Variants in PLEKHA5 observed in about 807,000 individuals in gnomAD.
PLEKHA5 encodes the protein pleckstrin homology domain containing A5, also known as pleckstrin homology domain-containing family A member 5.
A neutral mutation model predicts 181.9 loss-of-function variants in PLEKHA5; 55 were observed. That is an observed-to-expected ratio of 0.30 (90% confidence interval 0.24 to 0.38). The LOEUF (loss-of-function observed/expected upper bound fraction) is 0.38. Ranked by LOEUF, PLEKHA5 falls within the 10% of genes least tolerant of loss-of-function variation. PLEKHA5 has a pLI of 1.00. For synonymous variants in PLEKHA5, 535 were observed against 529.4 expected, an observed-to-expected ratio of 1.01 and a Z score of -0.15; for missense variants, 1,432 against 1,549.5, an observed-to-expected ratio of 0.92 and a Z score of 1.27.
At chr12:19,346,916 A>G (rs2094360928) in intron 23 of PLEKHA5, 78 bp from the exon 24 acceptor site, 2 of 904,980 alleles carry the variant, frequency 2.2e-6, no homozygotes, top group Admixed American at 3.2e-5. Context: ...ATTTAAGTTA[A>G]TATACCATTG....
At chr12:19,190,193 T>C (rs889084009) in intron 3 of PLEKHA5, among the ~76,000 whole-genome samples, 11 of 152,206 alleles carry the variant, frequency 7.2e-5, no homozygotes, top group South Asian at 2.1e-4. Flanking sequence ...TTAGGAAATA[T>C]TTTGTTATAT....
rs1293842342 is a variant in PLEKHA5 at position 19,173,839 on chromosome 12, A to G, written c.227+41389A>G. Among the ~76,000 whole-genome samples, 4 of 152,224 alleles carry G rather than the reference A, an allele frequency of 2.6e-5. 1 individual carries two copies. The highest frequency in any genetic ancestry group is 5.9e-5 in the Non-Finnish European group (4 of 68,040). On this transcript the variant is annotated intron_variant, in intron 3 of 31. Transcript: ENST00000429027. ...AGTGGTCTAGATAGTTCATGTTAGTAGTGATAAAAAATTAGGAGCCACCAT... is the reference window on the plus strand; with the variant it reads ...AGTGGTCTAGATAGTTCATGTTAGTGGTGATAAAAAATTAGGAGCCACCAT...
At chr12:19,202,047 C>T (rs558776908) in intron 3 of PLEKHA5, 2 of 940,152 alleles carry the variant, frequency 2.1e-6, no homozygotes, top group African/African-American at 3.6e-5. Context: ...TAATTATTCC[C>T]TTCACAGTTA....
chr12:19,167,070 C>A lies in PLEKHA5; in HGVS notation c.227+34620C>A, dbSNP rs564781936. On this transcript the variant is annotated intron_variant, in intron 3 of 31. Transcript: ENST00000429027. ...CTTCACACACCCATGCCCCACCTTC[C>A]CCACCTCATTATTTACCTGTTGTAT... 3.7e-4 allele frequency among the ~76,000 whole-genome samples: 57 copies of A among 152,230 alleles called. 1 individual carries two copies. The highest frequency in any genetic ancestry group is 1.3e-3 in the African/African-American group (56 of 41,524).
chr12:19,198,156 T>C (rs1261405444), intron 3 of PLEKHA5, among the ~76,000 whole-genome samples: 1 of 152,182 alleles, frequency 6.6e-6, no homozygotes, highest in Admixed American at 6.5e-5. Flanking sequence ...TCTTAAAATA[T>C]AAAAATGTAA....
chr12:19,294,693 C>G (rs541113861), intron 15 of PLEKHA5, among the ~76,000 whole-genome samples: 14 of 152,188 alleles, frequency 9.2e-5, no homozygotes, highest in African/African-American at 3.4e-4. Context: ...AACACATAGA[C>G]CCAAAGAGTA....
chr12:19,304,423 A>C (rs2082545418), intron 15 of PLEKHA5, among the ~76,000 whole-genome samples: 1 of 152,216 alleles, frequency 6.6e-6, no homozygotes, highest in Non-Finnish European at 1.5e-5. Context: ...CTTAGACAAC[A>C]AGAAAATATT....
At chr12:19,319,888 T>A (rs2090157925) in intron 16 of PLEKHA5, 133 bp from the exon 17 acceptor site, 1 of 521,730 alleles carries the variant, frequency 1.9e-6, no homozygotes, top group East Asian at 3.9e-5. Flanking sequence ...ATAAATGGAG[T>A]CAACTAACAC....
At chr12:19,294,923 T>A (rs1364279543) in intron 15 of PLEKHA5, among the ~76,000 whole-genome samples, 1 of 152,188 alleles carries the variant, frequency 6.6e-6, no homozygotes, top group Admixed American at 6.5e-5. Context: ...GGTTTAAAAA[T>A]AACAATAGAT....
intron 15 of PLEKHA5, among the ~76,000 whole-genome samples, chr12:19,313,678 A>G (rs2087436937): frequency 6.6e-6 from 1 of 152,102 alleles, no homozygotes; most frequent in Non-Finnish European, 1.5e-5. Context: ...GTCTGAATGA[A>G]ATTTTTAATT....
chr12:19,334,903 C>T (rs1333606396), intron 20 of PLEKHA5, among the ~76,000 whole-genome samples: 3 of 62,202 alleles, frequency 4.8e-5, no homozygotes, highest in Non-Finnish European at 1.0e-4. Flanking sequence ...AAATATTAGC[C>T]GGGCATAGGG....
intron 3 of PLEKHA5, among the ~76,000 whole-genome samples, chr12:19,195,395 G>A (rs1271150121): frequency 8.2e-6 from 1 of 122,296 alleles, no homozygotes; most frequent in Non-Finnish European, 1.8e-5. Context: ...GTACGGGTGA[G>A]TGATAGCTCA....
chr12:19,130,397 A>G lies in PLEKHA5; in HGVS notation c.169+267A>G, dbSNP rs2033229745. On this transcript the variant is annotated intron_variant, in intron 2 of 31. Coordinates refer to ENST00000429027, the MANE Select transcript of PLEKHA5 (RefSeq NM_001256470.2). This position sits in a 1 kb window ranked among gnomAD's most constrained non-coding sequence, Gnocchi z 4.5. ...TTCCTGCGCCTTCTCCCCCCATCCC[A>G]GCCTAGACGACCCTCGCGACCCTAG... 6.7e-6 allele frequency among the ~76,000 whole-genome samples: 1 copy of G among 149,740 alleles called. No homozygotes were observed. The highest frequency in any genetic ancestry group is 6.6e-5 in the Admixed American group (1 of 15,092).
chr12:19,370,325 A>G (rs1397259026), intron 31 of PLEKHA5, among the ~76,000 whole-genome samples: 1 of 152,246 alleles, frequency 6.6e-6, no homozygotes, highest in Non-Finnish European at 1.5e-5. Context: ...CAGGGAGGTA[A>G]TTACTAAAAC....
chr12:19,347,007 T>C lies in PLEKHA5; in HGVS notation c.2723T>C (p.Val908Ala). The C allele has an allele frequency of 6.5e-7, 1 of 1,547,890 alleles. No individual in the cohort carries two copies. The highest frequency in any genetic ancestry group is 8.7e-7 in the Non-Finnish European group (1 of 1,144,666). The part of the protein sequence containing the change: ...VKYKNEEEEV[V>A]PPRPPLPRSY... ...TACAATCTTTAGGAAGAGGAAGTAGTCCCACCTCGTCCTCCACTTCCTCGG... is the reference window on the plus strand; with the variant it reads ...TACAATCTTTAGGAAGAGGAAGTAGCCCCACCTCGTCCTCCACTTCCTCGG... Residue 908 changes from valine (V) to alanine (A), a missense_variant, in exon 24 of 32, where the codon GTC becomes GCC. Val to Ala is a moderately conservative substitution (Grantham distance 64). Coordinates refer to ENST00000429027, the MANE Select transcript of PLEKHA5 (RefSeq NM_001256470.2).
chr12:19,304,980 T>A (rs2082773509), intron 15 of PLEKHA5, among the ~76,000 whole-genome samples: 2 of 152,176 alleles, frequency 1.3e-5, no homozygotes, highest in Admixed American at 6.5e-5. Context: ...GAAAGAAGTC[T>A]AGGTTTTCTG....
intron 3 of PLEKHA5, among the ~76,000 whole-genome samples, chr12:19,199,027 A>T (rs76168558): frequency 0.072 from 10,930 of 152,210 alleles, 413 homozygotes; most frequent in South Asian, 0.11. Flanking sequence ...AATAATGTAT[A>T]ATTAGGTCTA....
In PLEKHA5 at chr12:19,347,008, CCCACCTCGT is replaced by C; in HGVS notation, c.2727_2735del (p.Arg911_Pro913del). 6.5e-7 allele frequency: 1 copy of C among 1,548,116 alleles called. No individual in the cohort carries two copies. The highest frequency in any genetic ancestry group is 8.7e-7 in the Non-Finnish European group (1 of 1,144,764). On this transcript the variant is annotated inframe_deletion, in exon 24 of 32. Coordinates refer to ENST00000429027, the MANE Select transcript of PLEKHA5 (RefSeq NM_001256470.2). ...ACAATCTTTAGGAAGAGGAAGTAGT[CCCACCTCGT>C]CCTCCACTTCCTCGGTCCTATGACT...
chr12:19,210,658 G>C (rs994675538), intron 3 of PLEKHA5, among the ~76,000 whole-genome samples: 2 of 152,168 alleles, frequency 1.3e-5, no homozygotes, highest in African/African-American at 4.8e-5. Flanking sequence ...TGATTTTTAA[G>C]TATATATCAG....
Sources: gnomAD v4.1 joint callset for allele counts (sites outside exome capture counted in the v4.1 genomes callset) on GRCh38, gnomAD v4.1.1 for gene constraint, Gnocchi (gnomAD v3.1) non-coding constraint, MANE v1.5 for transcripts, NCBI Gene and HGNC (gene_info 2026-07-23, HGNC 2026-07-21) for gene names.